Variants in ADGRB3 observed in about 807,000 individuals in gnomAD.
ADGRB3 encodes the protein brain-specific angiogenesis inhibitor 3.
In ADGRB3, 37 loss-of-function variants were observed where a neutral mutation model predicts 193.4. The observed-to-expected ratio is 0.19, with a 90% CI of 0.15 to 0.25. ADGRB3 has a LOEUF of 0.25. Among genes scored for constraint, ADGRB3 ranks in the 10% least tolerant of loss-of-function variants. The pLI, the probability that ADGRB3 is intolerant of heterozygous loss-of-function variation, is 1.00. For synonymous variants in ADGRB3, 690 were observed against 644.2 expected, an observed-to-expected ratio of 1.07 and a Z score of -1.08; for missense variants, 1,637 against 1,852.9, an observed-to-expected ratio of 0.88 and a Z score of 2.14.
At chr6:69,188,044 T>A (rs1765105198) in intron 17 of ADGRB3, among the ~76,000 whole-genome samples, 1 of 152,236 alleles carries the variant, frequency 6.6e-6, no homozygotes, top group Admixed American at 6.5e-5. Flanking sequence ...AAGATTTCTT[T>A]TGTAAAAGAC....
chr6:69,383,037 A>G, intron 31 of ADGRB3, 102 bp downstream of exon 31: 1 of 655,380 alleles, frequency 1.5e-6, no homozygotes, highest in South Asian at 3.3e-5. Flanking sequence ...AGATGAGTCT[A>G]CATAGAAAAA....
chr6:68,721,417 A>G (rs1765575053), intron 3 of ADGRB3, among the ~76,000 whole-genome samples: 1 of 145,974 alleles, frequency 6.9e-6, no homozygotes, highest in South Asian at 2.4e-4. Flanking sequence ...ATAGGTGGGA[A>G]TTGAACAAAG....
At chr6:68,876,301 C>G (rs934910866) in intron 3 of ADGRB3, among the ~76,000 whole-genome samples, 38 of 152,006 alleles carry the variant, frequency 2.5e-4, no homozygotes. Context: ...AGCCTTCTTT[C>G]TAAGTATTGA....
Position 68,638,130 on chromosome 6 carries a change from A to G in ADGRB3, c.-15-531A>G, listed in dbSNP as rs901080570. On this transcript the variant is annotated intron_variant, in intron 2 of 31. Transcript: ENST00000370598. ...ATAAATTATTATTTGTGCTTTTAAAATTGTGGCCATAATTTATCATCATTA... is the reference window on the plus strand; with the variant it reads ...ATAAATTATTATTTGTGCTTTTAAAGTTGTGGCCATAATTTATCATCATTA... Among the ~76,000 whole-genome samples, 4 of 152,354 alleles carry G rather than the reference A, an allele frequency of 2.6e-5. No homozygotes were observed. In the East Asian group the frequency reaches 7.7e-4, roughly 29 times the overall value.
chr6:69,031,550 T>TTTCTTTCTTTCTTTCTTTCTTTCTTTCTC, intron 13 of ADGRB3, among the ~76,000 whole-genome samples: 1 of 70,132 alleles, frequency 1.4e-5, no homozygotes, highest in African/African-American at 4.9e-5. Flanking sequence ...TCTTTCTTTC[T>TTTCTTTCTTTCTTTCTTTCTTTCTTTCTC]TTTTCTTTCT....
At chr6:69,298,932 T>G (rs1415124322) in intron 20 of ADGRB3, among the ~76,000 whole-genome samples, 4 of 151,926 alleles carry the variant, frequency 2.6e-5, no homozygotes, top group Non-Finnish European at 5.9e-5. Flanking sequence ...GGTAGTTCTA[T>G]TTTTAGTTTT....
At chr6:68,653,869 T>C (rs904003032) in intron 3 of ADGRB3, among the ~76,000 whole-genome samples, 2 of 151,854 alleles carry the variant, frequency 1.3e-5, no homozygotes, top group African/African-American at 4.8e-5. Context: ...TATTCTTTCG[T>C]CTTTTCTCTC....
chr6:69,276,606 C>T (rs1448478915), intron 20 of ADGRB3, among the ~76,000 whole-genome samples: 3 of 151,920 alleles, frequency 2.0e-5, no homozygotes, highest in Admixed American at 6.6e-5. Flanking sequence ...TTTTTTCCCC[C>T]GGGCTCAGGA....
intron 24 of ADGRB3, among the ~76,000 whole-genome samples, chr6:69,333,941 TAAAATAAAATAAAATA>T (rs1302385315): frequency 5.8e-3 from 6 of 1,026 alleles, no homozygotes. Context: ...AAAAACAAAA[TAAAATAAAATAAAATA>T]AAATAAAATA....
At chr6:69,110,934 A>G (rs1722119021) in intron 17 of ADGRB3, among the ~76,000 whole-genome samples, 1 of 152,254 alleles carries the variant, frequency 6.6e-6, no homozygotes, top group African/African-American at 2.4e-5. Context: ...GAGCCCATCT[A>G]GGAAAATCAT....
At chr6:69,375,381 G>A (rs1388939002) in intron 30 of ADGRB3, among the ~76,000 whole-genome samples, 1 of 152,128 alleles carries the variant, frequency 6.6e-6, no homozygotes, top group East Asian at 1.9e-4. Flanking sequence ...GGAGGTGGTA[G>A]GAAGAGAAAG....
intron 3 of ADGRB3, among the ~76,000 whole-genome samples, chr6:68,884,271 T>A (rs1582282772): frequency 6.6e-6 from 1 of 151,990 alleles, no homozygotes. Flanking sequence ...GTCAGGAGAG[T>A]GAAGAGCTCC....
chr6:69,210,148 T>TAATATATATATATATATATATATA (rs1561953521), intron 17 of ADGRB3, among the ~76,000 whole-genome samples: 4 of 39,068 alleles, frequency 1.0e-4, no homozygotes, highest in African/African-American at 5.4e-4. Flanking sequence ...TTAATATATA[T>TAATATATATATATATATATATATA]CATATATATA....
At chr6:68,754,778 C>A (rs1459626900) in intron 3 of ADGRB3, among the ~76,000 whole-genome samples, 1 of 151,528 alleles carries the variant, frequency 6.6e-6, no homozygotes, top group Non-Finnish European at 1.5e-5. Context: ...AAGATATCAA[C>A]ATGTATGCTC....
chr6:69,088,487 C>T (rs558907556), intron 17 of ADGRB3, among the ~76,000 whole-genome samples: 17 of 152,264 alleles, frequency 1.1e-4, no homozygotes, highest in African/African-American at 3.6e-4. Context: ...ATTCTCCTGC[C>T]TCAGCCTCCC....
At chr6:69,012,676 G>T (rs1198291698) in intron 11 of ADGRB3, among the ~76,000 whole-genome samples, 1 of 152,076 alleles carries the variant, frequency 6.6e-6, no homozygotes, top group Non-Finnish European at 1.5e-5. Flanking sequence ...CTCAAACCGT[G>T]TTTCAACCAT....
chr6:69,139,790 T>G (rs1221268234), intron 17 of ADGRB3, among the ~76,000 whole-genome samples: 2 of 152,232 alleles, frequency 1.3e-5, no homozygotes, highest in Admixed American at 1.3e-4. Flanking sequence ...GTCTGTTGTC[T>G]TAACCACAAC....
chr6:69,046,351 C>T (rs983736877), intron 13 of ADGRB3, among the ~76,000 whole-genome samples: 2 of 152,142 alleles, frequency 1.3e-5, no homozygotes, highest in African/African-American at 4.8e-5. Context: ...TGATTCTACA[C>T]ATTGAATAAT....
At chr6:69,213,571 A>G (rs201478379) in intron 17 of ADGRB3, among the ~76,000 whole-genome samples, 1 of 152,162 alleles carries the variant, frequency 6.6e-6, no homozygotes. Context: ...ATTTTTCCAT[A>G]TTTATCACAG....
Sources: allele counts gnomAD v4.1 joint callset (sites outside exome capture counted in the v4.1 genomes callset), GRCh38; gene constraint gnomAD v4.1.1; transcripts MANE v1.5; gene names NCBI Gene and HGNC (gene_info 2026-07-23, HGNC 2026-07-21).